The following MALAT1 variants were observed in gnomAD, a reference collection of about 807,000 sequenced individuals.
The protein encoded by MALAT1 is metastasis associated lung adenocarcinoma transcript 1.
exon 3 of MALAT1, chr11:65,499,703 A>T (rs961301315): frequency 2.3e-6 from 1 of 434,710 alleles, no homozygotes; most frequent in Non-Finnish European, 4.5e-6. Context: ...AGAAAAGAAT[A>T]GAGAAGATAG....
intron 3 of MALAT1, chr11:65,505,287 A>C (rs766070324): frequency 1.9e-6 from 1 of 518,792 alleles, no homozygotes; most frequent in Non-Finnish European, 3.8e-6. Context: ...AGGTCAAGAG[A>C]AGTGTCAGCC....
chr11:65,502,416 G>C (rs780288242), exon 3 of MALAT1: 4 of 503,316 alleles, frequency 7.9e-6, no homozygotes, highest in Non-Finnish European at 1.6e-5. Context: ...TTTCAGTTGT[G>C]TGTAAGCAAG....
exon 3 of MALAT1, chr11:65,499,011 C>T (rs773704554): frequency 2.3e-5 from 12 of 518,766 alleles, no homozygotes; most frequent in South Asian, 1.1e-4. Context: ...AGTTGTTCTC[C>T]GTCTATAAAT....
exon 3 of MALAT1, chr11:65,500,991 A>G (rs765230269): frequency 9.8e-6 from 5 of 512,748 alleles, no homozygotes; most frequent in Admixed American, 5.9e-5. Flanking sequence ...GAGAAATAGT[A>G]GATGGCAAGT....
At chr11:65,500,660 G>A (rs753328662) in exon 3 of MALAT1, 1 of 518,818 alleles carries the variant, frequency 1.9e-6, no homozygotes, top group Non-Finnish European at 3.8e-6. Context: ...GGTAGCAGGC[G>A]GCTTGGCTTG....
chr11:65,497,890 G>A (rs1260094338), intron 1 of MALAT1: 4 of 518,724 alleles, frequency 7.7e-6, no homozygotes, highest in South Asian at 5.6e-5. Flanking sequence ...ACGCCTCCGG[G>A]AGCCCAGGTT....
chr11:65,498,825 C>G (rs769998483), intron 2 of MALAT1: 1 of 518,804 alleles, frequency 1.9e-6, no homozygotes, highest in South Asian at 1.4e-5. Context: ...GTTTGCAGCT[C>G]AAATCTTTCC....
chr11:65,505,054 C>T, intron 3 of MALAT1: 1 of 518,824 alleles, frequency 1.9e-6, no homozygotes, highest in Non-Finnish European at 3.8e-6. Flanking sequence ...CATACAAAGT[C>T]AGATCAGTTA....
rs1854522722 is a variant in MALAT1, at chr11:65,500,598, T to G, written n.1861T>G. ...GGAAGGAGCGCTAACGATTTGGTGG[T>G]GAAGCTAGGAAAAAGGATTCCAGGA... is the stretch of plus-strand genomic sequence containing the variant. On this transcript the variant is annotated non_coding_transcript_exon_variant, in exon 3 of 4. Transcript: ENST00000619449. 5.8e-6 allele frequency: 3 copies of G among 518,748 alleles called. No individual in the cohort carries two copies. The Admixed American group carries it at 5.8e-5, about 10-fold the overall frequency. 32.1% of individuals were successfully genotyped at this position (518,748 alleles called of 1,614,324 possible).
At chr11:65,503,329 CCAT>C (rs759757253) in exon 3 of MALAT1, 2 of 518,686 alleles carry the variant, frequency 3.9e-6, no homozygotes, top group Non-Finnish European at 7.7e-6. Context: ...AGAAATTTTT[CCAT>C]CGAGCCTTTT....
intron 3 of MALAT1, chr11:65,505,906 G>A (rs772154702): frequency 2.3e-6 from 1 of 433,258 alleles, no homozygotes; most frequent in Non-Finnish European, 4.5e-6. Flanking sequence ...TGGCTGAGAG[G>A]GCTTTTGGGT....
exon 1 of MALAT1, chr11:65,497,800 T>C (rs959317398): frequency 4.0e-6 from 2 of 503,548 alleles, no homozygotes; most frequent in South Asian, 2.8e-5. Context: ...TCTCCTGCCC[T>C]CTTAAGCGCA....
exon 4 of MALAT1, chr11:65,506,301 T>C: frequency 2.2e-6 from 1 of 464,884 alleles, no homozygotes; most frequent in Non-Finnish European, 4.2e-6. Flanking sequence ...ATATACATCC[T>C]TGATGTATAA....
chr11:65,502,961 A>G (rs755005607), exon 3 of MALAT1: 2 of 495,764 alleles, frequency 4.0e-6, no homozygotes, highest in South Asian at 1.5e-5. Flanking sequence ...CCATCTCAAA[A>G]TACTGCTTTT....
rs569567195 is a variant in MALAT1 at position 65,503,056 on chromosome 11, T to G, written n.4319T>G. On this transcript the variant is annotated non_coding_transcript_exon_variant, in exon 3 of 4. Coordinates refer to ENST00000619449, the Ensembl canonical transcript of MALAT1. ...AAAAGAAGCCGAAATAAATGAGAGATGAGTTGGGATCAAGTGGATTGAGGA... is the reference window on the plus strand; with the variant it reads ...AAAAGAAGCCGAAATAAATGAGAGAGGAGTTGGGATCAAGTGGATTGAGGA... 8 of 509,952 alleles carry G rather than the reference T, an allele frequency of 1.6e-5. No homozygotes were observed. The East Asian group carries it at 3.8e-4, about 24-fold the overall frequency. 31.6% of individuals were successfully genotyped at this position (509,952 alleles called of 1,614,324 possible).
intron 1 of MALAT1, chr11:65,498,071 G>A (rs752484215): frequency 1.9e-6 from 1 of 518,968 alleles, no homozygotes; most frequent in Non-Finnish European, 3.8e-6. Flanking sequence ...CAGAAGGTCT[G>A]AAGCTCATAC....
exon 3 of MALAT1, chr11:65,499,301 C>T (rs777659348): frequency 2.9e-5 from 15 of 511,062 alleles, no homozygotes; most frequent in East Asian, 5.5e-5. Flanking sequence ...TAAAACATGA[C>T]GGAGGTTGAG....
At chr11:65,506,054 C>T (rs755886688) in intron 3 of MALAT1, 5 of 442,196 alleles carry the variant, frequency 1.1e-5, no homozygotes, top group African/African-American at 4.2e-5. Context: ...GAAAACAACA[C>T]GTATTGTTTT....
chr11:65,499,657 A>T (rs1854494060), exon 3 of MALAT1: 2 of 436,504 alleles, frequency 4.6e-6, no homozygotes, highest in South Asian at 3.4e-5. Context: ...AGAAGTTTGA[A>T]GTGGAAAACT....
Sources: gnomAD v4.1 joint callset for allele counts on GRCh38, gnomAD v4.1.1 for gene constraint, MANE v1.5 for transcripts, NCBI Gene and HGNC (gene_info 2026-07-23, HGNC 2026-07-21) for gene names.